The following GRIA3 variants were observed in gnomAD, a reference collection of about 807,000 sequenced individuals.
GRIA3 encodes the protein glutamate ionotropic receptor AMPA type subunit 3.
Under a neutral mutation model 63.0 loss-of-function variants are expected in GRIA3, and 3 were observed. That is an observed-to-expected ratio of 0.05 (90% CI 0.02 to 0.12). The LOEUF (loss-of-function observed/expected upper bound fraction) is 0.12. GRIA3 is among the 10% of genes least tolerant of loss of function. GRIA3 has a pLI of 1.00. For missense variants in GRIA3, 347 were observed against 700.9 expected (o/e 0.50, Z 5.70); for synonymous variants, 274 against 257.9 (o/e 1.06, Z -0.60).
At chrX:123,316,228 TA>T (rs1240357819) in intron 3 of GRIA3, among the ~76,000 whole-genome samples, 1 of 111,095 alleles carries the variant, frequency 9.0e-6, no homozygotes, top group Non-Finnish European at 1.9e-5. Flanking sequence ...TTAACATCAC[TA>T]AAAAGTTGGA....
chrX:123,415,475 G>A (rs1362187198), intron 10 of GRIA3, among the ~76,000 whole-genome samples: 2 of 111,125 alleles, frequency 1.8e-5, no homozygotes, highest in Non-Finnish European at 3.8e-5. Context: ...TGGGGGAGGG[G>A]GAACTGAGAT....
intron 3 of GRIA3, among the ~76,000 whole-genome samples, chrX:123,300,360 CTTTTTTTTTTTTTTTTTT>C (rs147031319): frequency 4.4e-5 from 1 of 22,509 alleles, no homozygotes; most frequent in East Asian, 1.9e-3. Context: ...TGGTCCTGGG[CTTTTTTTTTTTTTTTTTT>C]TTTTTTTTTG....
intron 12 of GRIA3, among the ~76,000 whole-genome samples, chrX:123,446,265 A>G (rs1000910109): frequency 4.4e-5 from 5 of 112,389 alleles, no homozygotes; most frequent in African/African-American, 1.6e-4. Context: ...TGCATTAATA[A>G]CCTATTTTGC....
intron 15 of GRIA3, among the ~76,000 whole-genome samples, chrX:123,488,442 A>G (rs2045952999): frequency 8.9e-6 from 1 of 112,321 alleles, no homozygotes; most frequent in Non-Finnish European, 1.9e-5. Context: ...TTAAAATGCC[A>G]TGGAAACTTT....
chrX:123,460,434 T>G lies in GRIA3; in HGVS notation c.2077-4431T>G, dbSNP rs191764158. On this transcript the variant is annotated intron_variant, in intron 12 of 15. Coordinates refer to ENST00000620443, the MANE Select transcript of GRIA3 (RefSeq NM_007325.5). ...ATACCCACTACAGGGTTTTCTATAA[T>G]GCCAAAAATAATGGAAATTATCTAA... Among the ~76,000 whole-genome samples the G allele has an allele frequency of 2.1e-3, 239 of 111,983 alleles. 1 individual carries two copies. The highest frequency in any genetic ancestry group is 7.2e-3 in the African/African-American group (223 of 30,813).
chrX:123,347,145 C>T (rs749951637), intron 4 of GRIA3, among the ~76,000 whole-genome samples: 1 of 112,120 alleles, frequency 8.9e-6, no homozygotes, highest in Admixed American at 9.5e-5. Context: ...GCCTAGGGTG[C>T]TTGAACTGTT....
intron 5 of GRIA3, among the ~76,000 whole-genome samples, chrX:123,371,583 G>C (rs1223302361): frequency 9.0e-6 from 1 of 111,051 alleles, no homozygotes; most frequent in Non-Finnish European, 1.9e-5. Context: ...ATTTTAACTG[G>C]GGTGAGATGA....
intron 2 of GRIA3, among the ~76,000 whole-genome samples, chrX:123,229,844 CAT>C (rs201495572): frequency 0.034 from 3,795 of 111,355 alleles, 163 homozygotes; most frequent in African/African-American, 0.12. Flanking sequence ...ATTGAGATAA[CAT>C]ATGTAGAGGC....
At chrX:123,343,798 G>A (rs750699002) in intron 4 of GRIA3, among the ~76,000 whole-genome samples, 1 of 104,603 alleles carries the variant, frequency 9.6e-6, no homozygotes, top group African/African-American at 3.5e-5. Flanking sequence ...GTCTCACTAT[G>A]TTGCCCAGGC....
intron 12 of GRIA3, among the ~76,000 whole-genome samples, chrX:123,463,228 T>G (rs1343378017): frequency 6.4e-5 from 7 of 110,207 alleles, no homozygotes; most frequent in Non-Finnish European, 1.3e-4. Flanking sequence ...TGACTAAATA[T>G]ATTAATGCAA....
intron 13 of GRIA3, among the ~76,000 whole-genome samples, chrX:123,475,855 C>T (rs1001217168): frequency 2.5e-4 from 28 of 111,361 alleles, no homozygotes; most frequent in Non-Finnish European, 4.7e-4. Context: ...GGATGCTACC[C>T]TTTTGTGTAT....
chrX:123,363,348 A>G (rs1182736244), intron 5 of GRIA3, among the ~76,000 whole-genome samples: 1 of 112,566 alleles, frequency 8.9e-6, no homozygotes, highest in East Asian at 2.8e-4. Context: ...ATAGTACTGT[A>G]TGAAGGAAAA....
At chrX:123,263,976 G>A (rs986304069) in intron 3 of GRIA3, among the ~76,000 whole-genome samples, 1 of 111,800 alleles carries the variant, frequency 8.9e-6, no homozygotes, top group Non-Finnish European at 1.9e-5. Flanking sequence ...GATATAAATA[G>A]CTTTCCCCTC....
intron 2 of GRIA3, among the ~76,000 whole-genome samples, chrX:123,246,905 T>C (rs2044362728): frequency 9.2e-6 from 1 of 108,864 alleles, no homozygotes; most frequent in African/African-American, 3.3e-5. Flanking sequence ...CCACGAGTTG[T>C]CTACCTTACT....
rs745832639 is a variant in GRIA3 at position 123,423,153 on chromosome X, C to G, written c.1878-4788C>G. On this transcript the variant is annotated intron_variant, in intron 11 of 15. Transcript: ENST00000620443. ...GACATGAGAGTTGGGGGAATTATTA[C>G]AGAGAAAATGGAAAGAACAGATGAA... Among the ~76,000 whole-genome samples the G allele has an allele frequency of 1.2e-4, 13 of 111,421 alleles. No homozygotes were observed. In the South Asian group the frequency reaches 3.8e-3, roughly 33 times the overall value.
chrX:123,399,549 G>T (rs912562905), intron 7 of GRIA3, among the ~76,000 whole-genome samples: 3 of 112,050 alleles, frequency 2.7e-5, no homozygotes, highest in Non-Finnish European at 3.8e-5. Context: ...CCCATTCATT[G>T]CAGTTTTCCA....
In GRIA3 at chrX:123,232,622, T is replaced by C. The variant is rs185249678; in HGVS notation, c.269-20681T>C. Among the ~76,000 whole-genome samples, 11 of 111,384 alleles carry C rather than the reference T, an allele frequency of 9.9e-5. No homozygotes were observed. In the East Asian group the frequency reaches 1.1e-3, roughly 12 times the overall value. On this transcript the variant is annotated intron_variant, in intron 2 of 15. Transcript: ENST00000620443. Reference sequence around the variant, plus strand: ...ATTTTATGTTAAATATATTTTACCATGATAAGAAATAAATTTAAAAAGTTA... The same window carrying C: ...ATTTTATGTTAAATATATTTTACCACGATAAGAAATAAATTTAAAAAGTTA...
In GRIA3 at chrX:123,403,404, C is replaced by T; in HGVS notation, c.1186-8C>T. On this transcript the variant is annotated splice_polypyrimidine_tract_variant and splice_region_variant and intron_variant, in intron 8 of 15. Transcript: ENST00000620443. Reference sequence around the variant, plus strand: ...TAGGCATCCAGGTCAAATGTCTTCTCTTTCTAGGCTGGCTACTGGAATGAG... The same window carrying T: ...TAGGCATCCAGGTCAAATGTCTTCTTTTTCTAGGCTGGCTACTGGAATGAG... 1.8e-6 allele frequency: 2 copies of T among 1,122,070 alleles called. No homozygotes were observed. The highest frequency in any genetic ancestry group is 2.5e-6 in the Non-Finnish European group (2 of 813,450). The allele number at this position is 1,122,070 out of a possible 1,213,427, so 92.5% of individuals were successfully genotyped here.
chrX:123,325,468 G>A (rs1258841559), intron 3 of GRIA3, among the ~76,000 whole-genome samples: 1 of 111,893 alleles, frequency 8.9e-6, no homozygotes, highest in East Asian at 2.8e-4. Context: ...TTTTAATAAT[G>A]TGGTGATCAA....
Sources: gnomAD v4.1 joint callset for allele counts (sites outside exome capture counted in the v4.1 genomes callset) on GRCh38, gnomAD v4.1.1 for gene constraint, MANE v1.5 for transcripts, NCBI Gene and HGNC (gene_info 2026-07-23, HGNC 2026-07-21) for gene names.